The following HOMER1 variants were observed in gnomAD, a reference collection of about 807,000 sequenced individuals.
HOMER1 encodes the protein homer protein homolog 1.
In HOMER1, 3 loss-of-function variants were observed where a neutral mutation model predicts 48.9. That is an observed-to-expected ratio of 0.06 (90% confidence interval 0.03 to 0.16). The LOEUF is 0.16. Ranked by LOEUF, HOMER1 falls within the 10% of genes least tolerant of loss-of-function variation. The probability of loss-of-function intolerance (pLI) is 1.00; values close to 1 mark genes in which losing one functional copy is unlikely to be tolerated. For synonymous variants in HOMER1, 134 were observed against 146.4 expected (o/e 0.92, Z 0.61); for missense variants, 247 against 411.4 (o/e 0.60, Z 3.46).
intron 1 of HOMER1, among the ~76,000 whole-genome samples, chr5:79,500,280 G>A (rs983105944): frequency 6.6e-6 from 1 of 152,110 alleles, no homozygotes; most frequent in Non-Finnish European, 1.5e-5. Flanking sequence ...AGAAAAAGCA[G>A]TTTTATGATA....
At chr5:79,508,803 C>T (rs1414865965) in intron 1 of HOMER1, among the ~76,000 whole-genome samples, 1 of 152,190 alleles carries the variant, frequency 6.6e-6, no homozygotes, top group Non-Finnish European at 1.5e-5. Context: ...TTTCATTGCA[C>T]ATTTTAATTT....
At chr5:79,458,477 G>A (rs958455120) in intron 1 of HOMER1, among the ~76,000 whole-genome samples, 1 of 151,908 alleles carries the variant, frequency 6.6e-6, no homozygotes, top group Admixed American at 6.6e-5. Context: ...TAAATATGGA[G>A]AGGAGAAAAA....
intron 2 of HOMER1, among the ~76,000 whole-genome samples, chr5:79,454,343 CTT>C (rs1751106783): frequency 6.6e-6 from 1 of 151,992 alleles, no homozygotes; most frequent in South Asian, 2.1e-4. Context: ...GGATTGTTAT[CTT>C]TTTCTGTTAC....
intron 8 of HOMER1, among the ~76,000 whole-genome samples, chr5:79,378,175 C>G (rs980237057): frequency 2.7e-5 from 4 of 145,658 alleles, no homozygotes; most frequent in African/African-American, 1.0e-4. Context: ...GCCGAAATTA[C>G]GTTACTGCAC....
At chr5:79,428,531 A>G (rs1003907098) in intron 5 of HOMER1, among the ~76,000 whole-genome samples, 3 of 152,144 alleles carry the variant, frequency 2.0e-5, no homozygotes, top group Non-Finnish European at 4.4e-5. Flanking sequence ...AATTTTATAT[A>G]TAGAAAATCC....
At chr5:79,446,301 C>A (rs1361004190) in intron 4 of HOMER1, among the ~76,000 whole-genome samples, 1 of 152,176 alleles carries the variant, frequency 6.6e-6, no homozygotes, top group Non-Finnish European at 1.5e-5. Context: ...TAAACTATTT[C>A]CCCTCCCCTG....
chr5:79,414,832 T>C (rs966198959), intron 5 of HOMER1, among the ~76,000 whole-genome samples: 19 of 152,140 alleles, frequency 1.2e-4, no homozygotes, highest in African/African-American at 4.6e-4. Context: ...CTTTGCAACA[T>C]AGCCTGGCAT....
intron 1 of HOMER1, among the ~76,000 whole-genome samples, chr5:79,481,943 G>A (rs1751957871): frequency 6.6e-6 from 1 of 152,188 alleles, no homozygotes; most frequent in African/African-American, 2.4e-5. Flanking sequence ...ATAAGTCTGG[G>A]CACGGTGGCT....
chr5:79,403,620 G>A (rs1350194366), intron 5 of HOMER1, among the ~76,000 whole-genome samples: 1 of 152,110 alleles, frequency 6.6e-6, no homozygotes, highest in Non-Finnish European at 1.5e-5. Context: ...ATGCAAGGTG[G>A]GATCTTAGGT....
intron 1 of HOMER1, among the ~76,000 whole-genome samples, chr5:79,502,548 C>A (rs1241014146): frequency 6.6e-6 from 1 of 152,122 alleles, no homozygotes; most frequent in East Asian, 1.9e-4. Context: ...CTCTTTCAAA[C>A]GTTTTTATGC....
intron 5 of HOMER1, among the ~76,000 whole-genome samples, chr5:79,409,454 C>G (rs1388116620): frequency 6.7e-6 from 1 of 148,324 alleles, no homozygotes; most frequent in Non-Finnish European, 1.5e-5. Flanking sequence ...AGGAGAAAAC[C>G]TTTGTGACAT....
At chr5:79,400,065 G>A (rs532781213) in intron 6 of HOMER1, among the ~76,000 whole-genome samples, 1 of 140,490 alleles carries the variant, frequency 7.1e-6, no homozygotes, top group South Asian at 2.5e-4. Flanking sequence ...AATATTTTCT[G>A]GCTATGACAA....
Position 79,438,472 on chromosome 5 carries a change from G to A in HOMER1, c.527+538C>T, listed in dbSNP as rs145820029. 3.3e-5 allele frequency among the ~76,000 whole-genome samples: 5 copies of A among 152,300 alleles called. No homozygotes were observed. The East Asian group carries it at 9.7e-4, about 29-fold the overall frequency. ...GTGAAGACTTATCTCCTGTTAGTTG[G>A]TGTGCAAAGATAAATCTGCCATTAA... On this transcript the variant is annotated intron_variant, in intron 5 of 8. Coordinates refer to ENST00000334082, the MANE Select transcript of HOMER1 (RefSeq NM_004272.5).
chr5:79,497,966 A>G (rs992817672), intron 1 of HOMER1, among the ~76,000 whole-genome samples: 1 of 152,188 alleles, frequency 6.6e-6, no homozygotes, highest in Non-Finnish European at 1.5e-5. Context: ...TGGTAAAGGA[A>G]GTCCAGCAAC....
intron 4 of HOMER1, among the ~76,000 whole-genome samples, chr5:79,444,593 A>C (rs1376081256): frequency 6.6e-6 from 1 of 152,212 alleles, no homozygotes; most frequent in Non-Finnish European, 1.5e-5. Context: ...TCCACCAAAG[A>C]GGAACAAGGT....
chr5:79,483,289 TA>T (rs1203157525), intron 1 of HOMER1, among the ~76,000 whole-genome samples: 1 of 151,910 alleles, frequency 6.6e-6, no homozygotes, highest in Non-Finnish European at 1.5e-5. Flanking sequence ...CTATAAAGTA[TA>T]GAAAGAAAAA....
At chr5:79,387,539 CTG>C (rs1749149333) in intron 8 of HOMER1, among the ~76,000 whole-genome samples, 1 of 152,142 alleles carries the variant, frequency 6.6e-6, no homozygotes, top group African/African-American at 2.4e-5. Context: ...CCCTATAAGA[CTG>C]TTACCTTCTA....
At chr5:79,483,864 G>C (rs890763955) in intron 1 of HOMER1, among the ~76,000 whole-genome samples, 1 of 151,592 alleles carries the variant, frequency 6.6e-6, no homozygotes, top group Non-Finnish European at 1.5e-5. Context: ...AGACCACAGT[G>C]GCCAACATGG....
chr5:79,394,266 C>T (rs965927249), intron 8 of HOMER1, among the ~76,000 whole-genome samples: 12 of 152,010 alleles, frequency 7.9e-5, no homozygotes, highest in Admixed American at 2.6e-4. Flanking sequence ...TTTAATGATC[C>T]CAATTTTCTG....
Sources: allele counts gnomAD v4.1 joint callset (sites outside exome capture counted in the v4.1 genomes callset), GRCh38; gene constraint gnomAD v4.1.1; transcripts MANE v1.5; gene names NCBI Gene and HGNC (gene_info 2026-07-23, HGNC 2026-07-21).